The following CPA6 variants were observed in gnomAD, a reference collection of about 807,000 sequenced individuals.
CPA6 encodes the protein carboxypeptidase A6, also known as carboxypeptidase B.
CPA6 carries 58 observed loss-of-function variants against 63.3 expected under a neutral mutation model. That is an observed-to-expected ratio of 0.92 (90% CI 0.74 to 1.14). CPA6 has a LOEUF of 1.14. Ranked by LOEUF, CPA6 falls within the 50% of genes most tolerant of loss-of-function variation. CPA6 has a pLI of 0.00. For missense variants in CPA6, 565 were observed against 526.6 expected, an observed-to-expected ratio of 1.07 and a Z score of -0.71; for synonymous variants, 185 against 179.0, an observed-to-expected ratio of 1.03 and a Z score of -0.27.
chr8:67,529,175 T>C (rs1396331317), intron 2 of CPA6, among the ~76,000 whole-genome samples: 1 of 152,064 alleles, frequency 6.6e-6, no homozygotes, highest in African/African-American at 2.4e-5. Flanking sequence ...AAAAAAATGT[T>C]GGAATAAGGA....
chr8:67,570,933 ATATGCTAT>A (rs1346108040), intron 2 of CPA6, among the ~76,000 whole-genome samples: 4 of 152,190 alleles, frequency 2.6e-5, no homozygotes. Flanking sequence ...AGAGACAACT[ATATGCTAT>A]CTACAAGAGA....
intron 1 of CPA6, among the ~76,000 whole-genome samples, chr8:67,655,557 T>C (rs1330056828): frequency 2.0e-5 from 3 of 152,202 alleles, no homozygotes; most frequent in African/African-American, 4.8e-5. Flanking sequence ...AATAACATTT[T>C]ATTCTGGTGG....
chr8:67,629,211 C>A (rs937840164), intron 1 of CPA6, among the ~76,000 whole-genome samples: 1 of 151,996 alleles, frequency 6.6e-6, no homozygotes, highest in Admixed American at 6.6e-5. Flanking sequence ...CTCATACCTG[C>A]AATTCCAGAA....
In CPA6 at chr8:67,608,431, A is replaced by T. The variant is rs148838985; in HGVS notation, c.192+15745T>A. On this transcript the variant is annotated intron_variant, in intron 2 of 10. Coordinates refer to ENST00000297770, the MANE Select transcript of CPA6 (RefSeq NM_020361.5). ...GGTCATAGAGGAGATTGGCCACAGG[A>T]TGGCCAAACTCCAGGGGAAGATCAT... Among the ~76,000 whole-genome samples, 229 of 152,206 alleles carry T rather than the reference A, an allele frequency of 1.5e-3. 1 individual carries two copies. The highest frequency in any genetic ancestry group is 5.3e-3 in the African/African-American group (220 of 41,520).
chr8:67,603,544 G>A (rs1441471024), intron 2 of CPA6, among the ~76,000 whole-genome samples: 1 of 152,168 alleles, frequency 6.6e-6, no homozygotes, highest in Non-Finnish European at 1.5e-5. Flanking sequence ...CATGTCCATA[G>A]ATTTTTGTTG....
At chr8:67,647,781 G>A (rs2380435) in intron 1 of CPA6, among the ~76,000 whole-genome samples, 1 of 152,016 alleles carries the variant, frequency 6.6e-6, no homozygotes, top group South Asian at 2.1e-4. Context: ...TGTACCTGGA[G>A]AGACTTTTGT....
At position 67,427,859 on chromosome 8, in the gene CPA6, G is replaced by A. The variant is rs369615657; in HGVS notation, c.1126+188C>T. On this transcript the variant is annotated intron_variant, in intron 10 of 10. Coordinates refer to ENST00000297770, the MANE Select transcript of CPA6 (RefSeq NM_020361.5). ...CTCTGCTTTGAATTTATTTAAATGG[G>A]TACAGTGATTTCTGTCAAGCTGTGT... 1.1e-4 allele frequency among the ~76,000 whole-genome samples: 17 copies of A among 152,242 alleles called. No individual in the cohort carries two copies. The South Asian group carries it at 3.1e-3, about 28-fold the overall frequency.
chr8:67,505,627 T>C (rs1811911533), intron 6 of CPA6, among the ~76,000 whole-genome samples: 1 of 152,162 alleles, frequency 6.6e-6, no homozygotes, highest in African/African-American at 2.4e-5. Flanking sequence ...CCTAGCAGGA[T>C]GAAATAGTGT....
chr8:67,579,532 A>T (rs534440878), intron 2 of CPA6, among the ~76,000 whole-genome samples: 5 of 152,338 alleles, frequency 3.3e-5, no homozygotes, highest in Non-Finnish European at 7.4e-5. Context: ...ATAAATACCA[A>T]ACACATAGAT....
chr8:67,484,099 TC>T (rs1352795690), intron 7 of CPA6, among the ~76,000 whole-genome samples: 1 of 151,598 alleles, frequency 6.6e-6, no homozygotes, highest in Non-Finnish European at 1.5e-5. Context: ...AGACAGAGTC[TC>T]GCTCTATCGC....
intron 8 of CPA6, among the ~76,000 whole-genome samples, chr8:67,477,275 G>C (rs1811261746): frequency 1.5e-5 from 2 of 132,996 alleles, no homozygotes; most frequent in Admixed American, 8.0e-5. Context: ...GGGTGACAGA[G>C]GGAGACTCCA....
intron 1 of CPA6, among the ~76,000 whole-genome samples, chr8:67,745,533 A>G (rs1346729404): frequency 1.3e-5 from 2 of 152,246 alleles, no homozygotes; most frequent in Admixed American, 6.5e-5. Context: ...TGCATTGCTC[A>G]TATTTAAAAA....
chr8:67,543,560 G>C (rs1812750251), intron 2 of CPA6, among the ~76,000 whole-genome samples: 1 of 152,184 alleles, frequency 6.6e-6, no homozygotes, highest in African/African-American at 2.4e-5. Context: ...GGGAGAGCTT[G>C]TGGTTCTGAG....
At chr8:67,635,079 G>C in intron 1 of CPA6, among the ~76,000 whole-genome samples, 1 of 151,220 alleles carries the variant, frequency 6.6e-6, no homozygotes, top group Non-Finnish European at 1.5e-5. Flanking sequence ...TTGTAGACAG[G>C]GTCTTGTTAT....
At chr8:67,505,286 T>G (rs1811904460) in intron 6 of CPA6, among the ~76,000 whole-genome samples, 1 of 152,218 alleles carries the variant, frequency 6.6e-6, no homozygotes, top group Non-Finnish European at 1.5e-5. Flanking sequence ...CATGTTGGGA[T>G]TTAACAGTGA....
intron 1 of CPA6, among the ~76,000 whole-genome samples, chr8:67,719,353 G>A (rs1817447237): frequency 6.6e-6 from 1 of 152,150 alleles, no homozygotes; most frequent in Non-Finnish European, 1.5e-5. Context: ...TACAGATGGA[G>A]GGAATGGGGT....
chr8:67,707,323 C>T (rs147140011), intron 1 of CPA6, among the ~76,000 whole-genome samples: 18 of 152,308 alleles, frequency 1.2e-4, no homozygotes, highest in African/African-American at 3.8e-4. Flanking sequence ...AATCCTTTCA[C>T]GACTTTTTGC....
intron 2 of CPA6, among the ~76,000 whole-genome samples, chr8:67,576,298 T>C (rs1813624160): frequency 1.3e-5 from 2 of 152,210 alleles, no homozygotes; most frequent in African/African-American, 2.4e-5. Context: ...TGCATAAATA[T>C]ATACAACTAT....
At chr8:67,705,539 A>T (rs1817115993) in intron 1 of CPA6, among the ~76,000 whole-genome samples, 1 of 152,214 alleles carries the variant, frequency 6.6e-6, no homozygotes, top group African/African-American at 2.4e-5. Flanking sequence ...CCATTCTCCC[A>T]TCAGTCCCTG....
Sources: gnomAD v4.1 joint callset for allele counts (sites outside exome capture counted in the v4.1 genomes callset) on GRCh38, gnomAD v4.1.1 for gene constraint, MANE v1.5 for transcripts, NCBI Gene and HGNC (gene_info 2026-07-23, HGNC 2026-07-21) for gene names.